Variants in RALYL observed in about 807,000 individuals in gnomAD.
RALYL encodes RNA-binding Raly-like protein.
Under a neutral mutation model 35.1 loss-of-function variants are expected in RALYL, and 29 were observed. The observed-to-expected ratio is 0.83, with a 90% CI of 0.61 to 1.13. The LOEUF (loss-of-function observed/expected upper bound fraction) is 1.13, where lower values mean the gene tolerates loss of function less well. Among genes scored for constraint, RALYL ranks in the 50% most tolerant of loss-of-function variants. The pLI, the probability that RALYL is intolerant of heterozygous loss-of-function variation, is 0.00. For synonymous variants in RALYL, 120 were observed against 127.6 expected, an observed-to-expected ratio of 0.94 and a Z score of 0.40; for missense variants, 359 against 360.4, an observed-to-expected ratio of 1.00 and a Z score of 0.03.
intron 4 of RALYL, among the ~76,000 whole-genome samples, chr8:84,830,030 C>A (rs1405517860): frequency 7.7e-5 from 8 of 103,824 alleles, no homozygotes; most frequent in Admixed American, 3.1e-4. Flanking sequence ...GGGGGGGGGG[C>A]ATTTTAAGCT....
intron 1 of RALYL, among the ~76,000 whole-genome samples, chr8:84,411,179 G>A (rs1041018796): frequency 1.6e-4 from 24 of 151,562 alleles, no homozygotes; most frequent in Admixed American, 1.5e-3. Flanking sequence ...TTTTCCCATG[G>A]TATTATCATT....
intron 2 of RALYL, among the ~76,000 whole-genome samples, chr8:84,641,226 GTAACTT>G (rs1826246776): frequency 6.6e-6 from 1 of 150,760 alleles, no homozygotes; most frequent in African/African-American, 2.4e-5. Flanking sequence ...TTTTAAATAA[GTAACTT>G]TAAAATAACC....
intron 2 of RALYL, among the ~76,000 whole-genome samples, chr8:84,624,443 G>T (rs769030903): frequency 2.0e-5 from 3 of 152,090 alleles, no homozygotes; most frequent in Non-Finnish European, 4.4e-5. Context: ...ATTCCTTGGC[G>T]CATGGCCCCC....
At chr8:84,570,967 T>C (rs936124558) in intron 2 of RALYL, among the ~76,000 whole-genome samples, 11 of 151,902 alleles carry the variant, frequency 7.2e-5, no homozygotes, top group Admixed American at 3.9e-4. Context: ...TCATGTGCTT[T>C]TGGATTCTGT....
intron 4 of RALYL, among the ~76,000 whole-genome samples, chr8:84,843,446 C>T (rs1833888455): frequency 6.6e-6 from 1 of 152,120 alleles, no homozygotes; most frequent in Admixed American, 6.6e-5. Context: ...AACTACAAAC[C>T]ACTGCTCAAT....
At chr8:84,308,996 T>A (rs986166051) in intron 1 of RALYL, among the ~76,000 whole-genome samples, 4 of 151,762 alleles carry the variant, frequency 2.6e-5, no homozygotes, top group African/African-American at 9.7e-5. Flanking sequence ...CTAATTGACA[T>A]AAAATTATAG....
chr8:84,414,488 A>G (rs1431417623), intron 1 of RALYL, among the ~76,000 whole-genome samples: 1 of 152,190 alleles, frequency 6.6e-6, no homozygotes, highest in African/African-American at 2.4e-5. Flanking sequence ...AAATATTTTA[A>G]CTGGTGTATA....
intron 1 of RALYL, among the ~76,000 whole-genome samples, chr8:84,212,022 C>T (rs1489457284): frequency 6.6e-6 from 1 of 152,066 alleles, no homozygotes; most frequent in Non-Finnish European, 1.5e-5. Flanking sequence ...ACAGAAAATT[C>T]ACTATTGCAA....
intron 2 of RALYL, among the ~76,000 whole-genome samples, chr8:84,757,563 C>G (rs1055592988): frequency 6.6e-6 from 1 of 152,098 alleles, no homozygotes; most frequent in South Asian, 2.1e-4. Flanking sequence ...GATGTACTAA[C>G]ACTTCCATTT....
chr8:84,622,451 T>A (rs527255855), intron 2 of RALYL, among the ~76,000 whole-genome samples: 2 of 152,328 alleles, frequency 1.3e-5, no homozygotes, highest in African/African-American at 4.8e-5. Flanking sequence ...TTTTGGAATC[T>A]TATCTGAGCC....
intron 2 of RALYL, among the ~76,000 whole-genome samples, chr8:84,596,743 A>T (rs1348874701): frequency 6.6e-6 from 1 of 152,136 alleles, no homozygotes; most frequent in Admixed American, 6.6e-5. Context: ...GATAATTCTG[A>T]ATCAGCTAAT....
At chr8:84,266,780 G>A (rs1043509232) in intron 1 of RALYL, among the ~76,000 whole-genome samples, 1 of 151,960 alleles carries the variant, frequency 6.6e-6, no homozygotes. Flanking sequence ...CTAACACGGT[G>A]AAACCCCGTC....
chr8:84,668,286 G>C (rs1363779543), intron 2 of RALYL, among the ~76,000 whole-genome samples: 1 of 152,098 alleles, frequency 6.6e-6, no homozygotes, highest in Admixed American at 6.6e-5. Context: ...GCTATTGTTG[G>C]AGCCCAGAAC....
intron 1 of RALYL, among the ~76,000 whole-genome samples, chr8:84,266,575 C>G (rs1056077548): frequency 1.3e-5 from 2 of 152,174 alleles, no homozygotes; most frequent in African/African-American, 4.8e-5. Flanking sequence ...AGCCCTCTGG[C>G]AAGGGGTGTT....
chr8:84,822,024 T>C (rs538301305), intron 4 of RALYL, among the ~76,000 whole-genome samples: 22 of 152,184 alleles, frequency 1.4e-4, no homozygotes, highest in Non-Finnish European at 2.9e-4. Flanking sequence ...TGTAGTTTTA[T>C]TCAGTGTTAG....
intron 2 of RALYL, among the ~76,000 whole-genome samples, chr8:84,768,090 C>A (rs183517859): frequency 6.6e-6 from 1 of 152,130 alleles, no homozygotes. Flanking sequence ...CTTATGAGAG[C>A]GTAGAAAATT....
chr8:84,369,248 A>G (rs984237408), intron 1 of RALYL, among the ~76,000 whole-genome samples: 2 of 152,142 alleles, frequency 1.3e-5, no homozygotes, highest in Admixed American at 6.6e-5. Flanking sequence ...AAATCCAATA[A>G]ATTCTTGACA....
intron 1 of RALYL, among the ~76,000 whole-genome samples, chr8:84,325,781 T>C (rs1045451039): frequency 1.3e-5 from 2 of 152,228 alleles, no homozygotes; most frequent in Non-Finnish European, 2.9e-5. Context: ...AGATAACTTT[T>C]GGTCTGTGTC....
Position 84,578,079 on chromosome 8 carries a change from A to G in RALYL, c.256+48502A>G, listed in dbSNP as rs188914642. On this transcript the variant is annotated intron_variant, in intron 2 of 8. Transcript: ENST00000521268. ...ATCTCATGCCACCAGTCCAGATCCC[A>G]TGCCTGCCAAGGGTGAGCCAGGCAC... Among the ~76,000 whole-genome samples, 6 of 152,292 alleles carry G rather than the reference A, an allele frequency of 3.9e-5. No individual in the cohort carries two copies. In the East Asian group the frequency reaches 9.7e-4, roughly 25 times the overall value.
Sources: allele counts gnomAD v4.1 joint callset (sites outside exome capture counted in the v4.1 genomes callset), GRCh38; gene constraint gnomAD v4.1.1; transcripts MANE v1.5; gene names NCBI Gene and HGNC (gene_info 2026-07-23, HGNC 2026-07-21).